CLEC16A: variants seen among roughly 807,000 people sequenced by gnomAD.
CLEC16A encodes protein CLEC16A.
In CLEC16A, 51 loss-of-function variants were observed where a neutral mutation model predicts 109.5. That is an observed-to-expected ratio of 0.47 (90% CI 0.37 to 0.59). The LOEUF (loss-of-function observed/expected upper bound fraction) is 0.59, where lower values mean the gene tolerates loss of function less well. Among genes scored for constraint, CLEC16A ranks in the 20% least tolerant of loss-of-function variants. The probability of loss-of-function intolerance (pLI) is 0.00; values close to 1 mark genes in which losing one functional copy is unlikely to be tolerated. For missense variants in CLEC16A, 1,339 were observed against 1,394.0 expected, an observed-to-expected ratio of 0.96 and a Z score of 0.63; for synonymous variants, 673 against 564.2, an observed-to-expected ratio of 1.19 and a Z score of -2.73.
chr16:11,164,539 A>G (rs140485489), intron 22 of CLEC16A, among the ~76,000 whole-genome samples: 1 of 152,294 alleles, frequency 6.6e-6, no homozygotes, highest in East Asian at 1.9e-4. Context: ...TGAGCAGAGG[A>G]GGGTTAAATC....
intron 22 of CLEC16A, among the ~76,000 whole-genome samples, chr16:11,134,903 C>G (rs1296754313): frequency 1.3e-5 from 2 of 152,232 alleles, no homozygotes; most frequent in African/African-American, 2.4e-5. Context: ...CGTCATCCAC[C>G]CTGGCATAGG....
At chr16:10,970,196 A>G (rs1451489585) in intron 4 of CLEC16A, among the ~76,000 whole-genome samples, 1 of 152,154 alleles carries the variant, frequency 6.6e-6, no homozygotes, top group Non-Finnish European at 1.5e-5. Context: ...TGCTGACTAT[A>G]CAGCTGGCAT....
intron 19 of CLEC16A, chr16:11,070,969 G>A (rs1275884887): frequency 1.3e-5 from 2 of 152,232 alleles, no homozygotes; most frequent in African/African-American, 2.4e-5. Flanking sequence ...GCGGATTAAT[G>A]TGAATATCAT....
chr16:11,024,077 G>C (rs1405312266), intron 12 of CLEC16A: 1 of 152,240 alleles, frequency 6.6e-6, no homozygotes, highest in Admixed American at 6.5e-5. Context: ...GTCAGAGAAA[G>C]TCAGCCTGAG....
At chr16:11,032,739 C>T (rs2046814804) in intron 13 of CLEC16A, among the ~76,000 whole-genome samples, 1 of 152,062 alleles carries the variant, frequency 6.6e-6, no homozygotes, top group Admixed American at 6.5e-5. Context: ...GGCAAGAGTC[C>T]TCCAGGTGAA....
intron 11 of CLEC16A, among the ~76,000 whole-genome samples, chr16:11,011,251 G>T (rs947325031): frequency 2.0e-5 from 3 of 152,194 alleles, no homozygotes; most frequent in South Asian, 2.1e-4. Context: ...AGGAAAAGAT[G>T]ATTTTCCACG....
chr16:11,147,215 C>A (rs1353020601), intron 22 of CLEC16A, among the ~76,000 whole-genome samples: 1 of 152,160 alleles, frequency 6.6e-6, no homozygotes, highest in Non-Finnish European at 1.5e-5. Flanking sequence ...ACAGAATTCC[C>A]CTTTGTCATC....
intron 19 of CLEC16A, among the ~76,000 whole-genome samples, chr16:11,063,497 G>A (rs1302326418): frequency 6.6e-6 from 1 of 152,064 alleles, no homozygotes; most frequent in Non-Finnish European, 1.5e-5. Context: ...CTGACTCCGG[G>A]AGAAATGTTA....
At chr16:11,041,160 A>G (rs546360631) in intron 14 of CLEC16A, 2 of 152,404 alleles carry the variant, frequency 1.3e-5, no homozygotes, top group East Asian at 1.9e-4. Context: ...CTACCCAGCT[A>G]TGAGACCTAG....
At chr16:11,028,568 A>C (rs1452435597) in intron 13 of CLEC16A, among the ~76,000 whole-genome samples, 1 of 152,044 alleles carries the variant, frequency 6.6e-6, no homozygotes, top group Non-Finnish European at 1.5e-5. Context: ...AGAAGCTCTA[A>C]TTATTGATTT....
chr16:11,019,745 G>T (rs1214368768), intron 11 of CLEC16A, among the ~76,000 whole-genome samples: 1 of 150,892 alleles, frequency 6.6e-6, no homozygotes, highest in Non-Finnish European at 1.5e-5. Context: ...CTCCAGCCTG[G>T]GTGACAAGAG....
intron 19 of CLEC16A, among the ~76,000 whole-genome samples, chr16:11,109,601 G>C (rs1289564931): frequency 1.3e-5 from 2 of 152,176 alleles, no homozygotes; most frequent in African/African-American, 2.4e-5. Flanking sequence ...ACTAATCCCT[G>C]GTACCAGCGC....
At chr16:11,027,273 A>G (rs2046462058) in intron 13 of CLEC16A, 2 of 1,547,436 alleles carry the variant, frequency 1.3e-6, no homozygotes, top group African/African-American at 2.7e-5. Context: ...ATTGCCAGAT[A>G]AACATTCCTT....
At chr16:11,030,190 T>C (rs922787731) in intron 13 of CLEC16A, among the ~76,000 whole-genome samples, 2 of 152,266 alleles carry the variant, frequency 1.3e-5, no homozygotes, top group Non-Finnish European at 2.9e-5. Flanking sequence ...TGAGCATTTG[T>C]GTGGCCCCAT....
chr16:11,134,794 T>A (rs1055464914), intron 22 of CLEC16A, among the ~76,000 whole-genome samples: 38 of 152,366 alleles, frequency 2.5e-4, no homozygotes, highest in African/African-American at 9.1e-4. Flanking sequence ...CAGCTCTGCC[T>A]GTCTCAGAAT....
rs1400578872 is a variant in CLEC16A at position 10,979,072 on chromosome 16, G to A, written c.904-257G>A. 2.6e-5 allele frequency among the ~76,000 whole-genome samples: 4 copies of A among 152,144 alleles called. No homozygotes were observed. The East Asian group carries it at 5.8e-4, about 22-fold the overall frequency. On this transcript the variant is annotated intron_variant, in intron 8 of 23. Transcript: ENST00000409790. ...TTGGTAACTTAAGGAGCAAGTTCTC[G>A]TGGGTCAGCCTCTCATCCGTGAGTA... is the stretch of plus-strand genomic sequence containing the variant.
intron 22 of CLEC16A, among the ~76,000 whole-genome samples, chr16:11,146,606 T>C (rs1779164625): frequency 6.9e-6 from 1 of 145,362 alleles, no homozygotes; most frequent in Non-Finnish European, 1.5e-5. Flanking sequence ...GATGGATGGG[T>C]AGAGAGGGAT....
intron 11 of CLEC16A, among the ~76,000 whole-genome samples, chr16:11,017,995 G>T (rs555870659): frequency 1.7e-4 from 21 of 120,538 alleles, no homozygotes; most frequent in African/African-American, 7.5e-4. Flanking sequence ...TTTTAAAGAG[G>T]TATTAAAAAA....
At chr16:10,979,492 A>T (rs1024778834) in intron 9 of CLEC16A, 110 bp downstream of exon 9, 2 of 917,652 alleles carry the variant, frequency 2.2e-6, no homozygotes, top group South Asian at 3.0e-5. Context: ...TGTCCCCCCC[A>T]TGCTGGAGTA....
Sources: gnomAD v4.1 joint callset for allele counts (sites outside exome capture counted in the v4.1 genomes callset) on GRCh38, gnomAD v4.1.1 for gene constraint, MANE v1.5 for transcripts, NCBI Gene and HGNC (gene_info 2026-07-23, HGNC 2026-07-21) for gene names.